The following LRRC4C variants were observed in gnomAD, a reference collection of about 807,000 sequenced individuals.
The protein encoded by LRRC4C is leucine rich repeat containing 4C, also known as leucine-rich repeat-containing protein 4C.
LRRC4C carries 5 observed loss-of-function variants against 33.6 expected under a neutral mutation model. The observed-to-expected ratio is 0.15, with a 90% CI of 0.08 to 0.31. LRRC4C has a LOEUF of 0.31. LRRC4C is among the 10% of genes least tolerant of loss of function. The probability of loss-of-function intolerance (pLI) is 1.00; values close to 1 mark genes in which losing one functional copy is unlikely to be tolerated. For missense variants in LRRC4C, 560 were observed against 796.7 expected, an observed-to-expected ratio of 0.70 and a Z score of 3.58; for synonymous variants, 329 against 302.0, an observed-to-expected ratio of 1.09 and a Z score of -0.93.
Position 40,115,192 on chromosome 11 carries a change from T to C in LRRC4C, c.1101A>G (p.Glu367=). 6.2e-7 allele frequency: 1 copy of C among 1,614,204 alleles called. No individual in the cohort carries two copies. The highest frequency in any genetic ancestry group is 2.2e-5 in the East Asian group (1 of 44,874). The stretch of plus-strand genomic sequence containing the variant: ...GACATTTCAGCTCAGCTGCCATGCC[T>C]TCAGTGACATTGAGGTCTGCAGGGG... The part of the protein sequence containing the change: ...VEPPADLNVT[E]GMAAELKCRA... Residue 367 remains glutamate, a synonymous_variant, in exon 7 of 7, where the codon GAA becomes GAG. Coordinates refer to ENST00000528697, the MANE Select transcript of LRRC4C (RefSeq NM_001258419.2). The surrounding 1 kb of genome is among the most constrained non-coding windows in gnomAD (Gnocchi z 6.7).
intron 2 of LRRC4C, among the ~76,000 whole-genome samples, chr11:40,879,468 T>C (rs1955063879): frequency 6.6e-6 from 1 of 152,114 alleles, no homozygotes; most frequent in Admixed American, 6.6e-5. Flanking sequence ...ATCCTACAAA[T>C]GCGTGAATAT....
chr11:40,510,484 G>A (rs989472961), intron 3 of LRRC4C, among the ~76,000 whole-genome samples: 1 of 151,986 alleles, frequency 6.6e-6, no homozygotes, highest in African/African-American at 2.4e-5. Context: ...TAACATCTAA[G>A]TACAATAAGA....
chr11:40,871,736 G>A (rs1173511671), intron 2 of LRRC4C, among the ~76,000 whole-genome samples: 10 of 152,204 alleles, frequency 6.6e-5, no homozygotes, highest in Middle Eastern at 3.4e-3. Context: ...TAAAAGGACC[G>A]TTCAGGCATT....
chr11:41,346,316 C>A (rs1951802754), intron 1 of LRRC4C, among the ~76,000 whole-genome samples: 1 of 152,196 alleles, frequency 6.6e-6, no homozygotes, highest in Non-Finnish European at 1.5e-5. Flanking sequence ...TGTAATCAGA[C>A]ACCCTGTGAA....
intron 3 of LRRC4C, among the ~76,000 whole-genome samples, chr11:40,628,931 T>C (rs1963218642): frequency 6.6e-6 from 1 of 152,220 alleles, no homozygotes; most frequent in South Asian, 2.1e-4. Context: ...GAGAAAGCCA[T>C]GTATTTTCTC....
At chr11:40,654,385 A>G (rs1942983932) in intron 2 of LRRC4C, among the ~76,000 whole-genome samples, 1 of 152,296 alleles carries the variant, frequency 6.6e-6, no homozygotes, top group South Asian at 2.1e-4. Context: ...AGGCCATGAG[A>G]GCTCACTTCT....
intron 1 of LRRC4C, among the ~76,000 whole-genome samples, chr11:41,152,575 A>G (rs1452963151): frequency 1.3e-5 from 2 of 152,224 alleles, no homozygotes; most frequent in Non-Finnish European, 2.9e-5. Flanking sequence ...AAAAAAAGCT[A>G]TAAAAGTCAT....
chr11:40,550,855 T>C (rs566321234), intron 3 of LRRC4C, among the ~76,000 whole-genome samples: 3 of 151,976 alleles, frequency 2.0e-5, no homozygotes, highest in Non-Finnish European at 2.9e-5. Context: ...CTGATTGAAG[T>C]TGGGAAAAAT....
At chr11:41,279,147 T>C (rs955240092) in intron 1 of LRRC4C, among the ~76,000 whole-genome samples, 5 of 152,208 alleles carry the variant, frequency 3.3e-5, no homozygotes, top group African/African-American at 1.2e-4. Flanking sequence ...TTTTGTTCTT[T>C]TATGTGGCTG....
intron 5 of LRRC4C, among the ~76,000 whole-genome samples, chr11:40,194,668 T>C (rs1862109763): frequency 6.6e-6 from 1 of 151,986 alleles, no homozygotes; most frequent in Non-Finnish European, 1.5e-5. Flanking sequence ...ATACCTAATG[T>C]AGATGACAGG....
intron 1 of LRRC4C, among the ~76,000 whole-genome samples, chr11:41,253,141 G>C (rs778771458): frequency 6.6e-6 from 1 of 152,104 alleles, no homozygotes; most frequent in South Asian, 2.1e-4. Context: ...CAACTTTGAA[G>C]GCACCAATGG....
In LRRC4C at chr11:40,900,697, C is replaced by T. The variant is rs1170956370; in HGVS notation, c.-407+32938G>A. Among the ~76,000 whole-genome samples, 5 of 151,768 alleles carry T rather than the reference C, an allele frequency of 3.3e-5. No individual in the cohort carries two copies. The East Asian group carries it at 9.6e-4, about 29-fold the overall frequency. ...CAAATCTACTAAATAATGTTCATTTCTTTTTATCCTTAGATTGTAATCCCA... is the reference window on the plus strand; with the variant it reads ...CAAATCTACTAAATAATGTTCATTTTTTTTTATCCTTAGATTGTAATCCCA... On this transcript the variant is annotated intron_variant, in intron 2 of 6. Transcript: ENST00000528697.
At chr11:41,141,406 G>C (rs917842224) in intron 1 of LRRC4C, among the ~76,000 whole-genome samples, 17 of 152,114 alleles carry the variant, frequency 1.1e-4, no homozygotes, top group Non-Finnish European at 2.5e-4. Flanking sequence ...TCATTAAAAA[G>C]TTTGAAAAGT....
intron 3 of LRRC4C, among the ~76,000 whole-genome samples, chr11:40,481,900 C>T (rs185802856): frequency 1.3e-3 from 201 of 152,100 alleles, no homozygotes; most frequent in African/African-American, 4.6e-3. Flanking sequence ...TATTGGTGTA[C>T]CTCGGCAAAC....
At chr11:40,151,052 C>CAG (rs1027244212) in intron 5 of LRRC4C, among the ~76,000 whole-genome samples, 6 of 152,152 alleles carry the variant, frequency 3.9e-5, no homozygotes, top group African/African-American at 1.4e-4. Flanking sequence ...GTCAAGGGAT[C>CAG]ACCTCCACCT....
chr11:41,078,100 A>G (rs61877036), intron 1 of LRRC4C, among the ~76,000 whole-genome samples: 11,281 of 152,262 alleles, frequency 0.074, 452 homozygotes, highest in Non-Finnish European at 0.096. Flanking sequence ...ATCTGAGACC[A>G]CCTCAGCCTG....
intron 4 of LRRC4C, among the ~76,000 whole-genome samples, chr11:40,298,033 C>T (rs1944596735): frequency 6.6e-6 from 1 of 152,146 alleles, no homozygotes; most frequent in East Asian, 1.9e-4. Flanking sequence ...GCTTTGTACA[C>T]CGTTGAGTGA....
At chr11:41,085,290 C>T (rs1047124820) in intron 1 of LRRC4C, among the ~76,000 whole-genome samples, 7 of 152,048 alleles carry the variant, frequency 4.6e-5, no homozygotes, top group African/African-American at 9.7e-5. Flanking sequence ...TCATCTTTAC[C>T]CTGGGCTCTC....
chr11:41,273,775 A>C (rs1949392793), intron 1 of LRRC4C, among the ~76,000 whole-genome samples: 1 of 152,120 alleles, frequency 6.6e-6, no homozygotes, highest in Non-Finnish European at 1.5e-5. Flanking sequence ...AACATAAGGA[A>C]ATTTTTGGAT....
Sources: allele counts gnomAD v4.1 joint callset (sites outside exome capture counted in the v4.1 genomes callset), GRCh38; gene constraint gnomAD v4.1.1; non-coding constraint Gnocchi (gnomAD v3.1); transcripts MANE v1.5; gene names NCBI Gene and HGNC (gene_info 2026-07-23, HGNC 2026-07-21).